The following DTD1 variants were observed in gnomAD, a reference collection of about 807,000 sequenced individuals.
DTD1 encodes D-tyrosyl-tRNA deacylase 1 homolog.
DTD1 carries 13 observed loss-of-function variants against 25.6 expected under a neutral mutation model. That is an observed-to-expected ratio of 0.51 (90% CI 0.33 to 0.81). The LOEUF (loss-of-function observed/expected upper bound fraction) is 0.81, where lower values mean the gene tolerates loss of function less well. Among genes scored for constraint, DTD1 ranks in the 30% least tolerant of loss-of-function variants. DTD1 has a pLI of 0.02. For synonymous variants in DTD1, 110 were observed against 103.6 expected (o/e 1.06, Z -0.37); for missense variants, 193 against 266.4 (o/e 0.72, Z 1.92).
chr20:18,609,591 A>G lies in DTD1; in HGVS notation c.370+13350A>G, dbSNP rs16979394. ...TTTTTGAAGCTCTGTAGCAGAGCCC[A>G]CATTGAGGATTGTCAGCTCATTTGA... is the stretch of plus-strand genomic sequence containing the variant. On this transcript the variant is annotated intron_variant, in intron 3 of 5. Transcript: ENST00000377452. Among the ~76,000 whole-genome samples the G allele has an allele frequency of 2.4e-3, 370 of 152,276 alleles. 7 individuals carry two copies. The highest frequency in any genetic ancestry group is 0.02 in the Admixed American group (303 of 15,292).
intron 4 of DTD1, among the ~76,000 whole-genome samples, chr20:18,645,760 A>G (rs1191423111): frequency 6.6e-6 from 1 of 152,224 alleles, no homozygotes; most frequent in Non-Finnish European, 1.5e-5. Context: ...CTGAAAAATA[A>G]CAGCAACAAC....
At chr20:18,744,034 G>C in intron 4 of DTD1, 66 bp from the exon 5 acceptor site, 1 of 1,505,716 alleles carries the variant, frequency 6.6e-7, no homozygotes, top group Non-Finnish European at 8.9e-7. Flanking sequence ...GAAGTCACTG[G>C]TGTGTGGGAT....
chr20:18,599,505 G>A (rs1235663469), intron 3 of DTD1, among the ~76,000 whole-genome samples: 1 of 152,160 alleles, frequency 6.6e-6, no homozygotes, highest in Admixed American at 6.6e-5. Flanking sequence ...GGTTTTGTAT[G>A]TATATAAGTT....
intron 4 of DTD1, among the ~76,000 whole-genome samples, chr20:18,685,942 C>T (rs1453235545): frequency 6.6e-6 from 1 of 152,194 alleles, no homozygotes; most frequent in Non-Finnish European, 1.5e-5. Flanking sequence ...GCTGCGCCAA[C>T]TTCAGTGTCA....
chr20:18,668,701 G>A (rs903062302), intron 4 of DTD1, among the ~76,000 whole-genome samples: 2 of 152,122 alleles, frequency 1.3e-5, no homozygotes, highest in Non-Finnish European at 2.9e-5. Flanking sequence ...ATTGTTGAGT[G>A]AAATGAGCTA....
chr20:18,614,316 A>G (rs2060700382), intron 3 of DTD1, among the ~76,000 whole-genome samples: 1 of 152,144 alleles, frequency 6.6e-6, no homozygotes, highest in African/African-American at 2.4e-5. Context: ...AGTTCTCGGG[A>G]AAACTTGGGC....
intron 4 of DTD1, among the ~76,000 whole-genome samples, chr20:18,661,413 C>T (rs1303041809): frequency 4.8e-5 from 7 of 147,148 alleles, no homozygotes; most frequent in African/African-American, 1.7e-4. Flanking sequence ...GCTCTGTCGC[C>T]CAGGCTAGAG....
chr20:18,729,055 G>C (rs371333867), intron 4 of DTD1, among the ~76,000 whole-genome samples: 21 of 152,320 alleles, frequency 1.4e-4, no homozygotes, highest in African/African-American at 5.1e-4. Flanking sequence ...CCAGGCTAGA[G>C]TGCAGTGGTG....
chr20:18,678,281 G>A (rs779245733), intron 4 of DTD1, among the ~76,000 whole-genome samples: 34 of 152,228 alleles, frequency 2.2e-4, no homozygotes, highest in Admixed American at 3.9e-4. Flanking sequence ...CACCAGCTCA[G>A]CCCCTTAGGT....
intron 5 of DTD1, among the ~76,000 whole-genome samples, chr20:18,747,408 C>T (rs1370006606): frequency 6.6e-6 from 1 of 152,160 alleles, no homozygotes; most frequent in East Asian, 1.9e-4. Context: ...AGGCATGTTC[C>T]CTCCCCGCCA....
chr20:18,628,845 G>A (rs2060770439), intron 4 of DTD1, among the ~76,000 whole-genome samples: 2 of 152,160 alleles, frequency 1.3e-5, no homozygotes, highest in Non-Finnish European at 2.9e-5. Context: ...GGCCTGGCAG[G>A]CAGAGGAAGA....
intron 4 of DTD1, among the ~76,000 whole-genome samples, chr20:18,652,547 A>ACACG (rs1458908162): frequency 2.0e-5 from 3 of 152,232 alleles, no homozygotes; most frequent in Non-Finnish European, 4.4e-5. Context: ...TTTCAGGGAT[A>ACACG]CACGGGTAAC....
intron 4 of DTD1, among the ~76,000 whole-genome samples, chr20:18,722,020 A>G (rs2061205563): frequency 6.6e-6 from 1 of 151,948 alleles, no homozygotes; most frequent in Admixed American, 6.5e-5. Flanking sequence ...TTTTCCTCTG[A>G]CCCACATAGG....
intron 4 of DTD1, among the ~76,000 whole-genome samples, chr20:18,666,554 C>G (rs75682697): frequency 0.012 from 1,793 of 152,232 alleles, 32 homozygotes; most frequent in African/African-American, 0.04. Context: ...CTGAACTTCA[C>G]AGTTAATTAG....
intron 3 of DTD1, among the ~76,000 whole-genome samples, chr20:18,608,042 C>G (rs924516222): frequency 2.6e-5 from 4 of 152,062 alleles, no homozygotes; most frequent in Admixed American, 6.6e-5. Flanking sequence ...AGAGTTTTGG[C>G]AGATTGTACC....
chr20:18,626,414 A>G (rs1692315212), intron 3 of DTD1, among the ~76,000 whole-genome samples: 1 of 152,222 alleles, frequency 6.6e-6, no homozygotes, highest in Non-Finnish European at 1.5e-5. Flanking sequence ...ATGGGTGGTT[A>G]GTCTCCAGCT....
intron 4 of DTD1, among the ~76,000 whole-genome samples, chr20:18,660,267 T>C (rs1332805580): frequency 6.6e-6 from 1 of 152,210 alleles, no homozygotes; most frequent in Non-Finnish European, 1.5e-5. Flanking sequence ...TTGCCCAGGC[T>C]GGAGTGTAGT....
intron 4 of DTD1, among the ~76,000 whole-genome samples, chr20:18,730,275 A>G (rs1186391324): frequency 6.6e-6 from 1 of 152,162 alleles, no homozygotes; most frequent in Non-Finnish European, 1.5e-5. Flanking sequence ...ATCCTTTTGC[A>G]TGTATCTTTG....
intron 5 of DTD1, among the ~76,000 whole-genome samples, chr20:18,757,739 G>T (rs1362202944): frequency 6.6e-6 from 1 of 151,986 alleles, no homozygotes; most frequent in Non-Finnish European, 1.5e-5. Flanking sequence ...TCTCTTTTTT[G>T]GTTGTGTCTC....
Sources: allele counts gnomAD v4.1 joint callset (sites outside exome capture counted in the v4.1 genomes callset), GRCh38; gene constraint gnomAD v4.1.1; transcripts MANE v1.5; gene names NCBI Gene and HGNC (gene_info 2026-07-23, HGNC 2026-07-21).